Variants in PRR5 observed in about 807,000 individuals in gnomAD.
The protein encoded by PRR5 is proline rich 5.
Under a neutral mutation model 30.6 loss-of-function variants are expected in PRR5, and 25 were observed. The observed-to-expected ratio is 0.82, with a 90% CI of 0.60 to 1.14. The LOEUF (loss-of-function observed/expected upper bound fraction) is 1.14, where lower values mean the gene tolerates loss of function less well. Ranked by LOEUF, PRR5 falls within the 50% of genes most tolerant of loss-of-function variation. PRR5 has a pLI of 0.00. For synonymous variants in PRR5, 286 were observed against 247.1 expected (o/e 1.16, Z -1.48); for missense variants, 600 against 547.1 (o/e 1.10, Z -0.96).
At chr22:44,731,487 C>A in intron 4 of PRR5, 1 of 570,104 alleles carries the variant, frequency 1.8e-6, no homozygotes, top group Admixed American at 3.0e-5. Context: ...ATTTCATGCC[C>A]TCAGCTCTGG....
intron 3 of PRR5, 25 bp downstream of exon 3, chr22:44,725,317 G>T (rs376694994): frequency 6.2e-7 from 1 of 1,611,594 alleles, no homozygotes; most frequent in Non-Finnish European, 8.5e-7. Context: ...CTCCAGCCAG[G>T]CTGGGCCTGC....
Position 44,711,499 on chromosome 22 carries a change from G to A in PRR5, c.135-3092G>A, listed in dbSNP as rs1022297101. Among the ~76,000 whole-genome samples the A allele has an allele frequency of 4.3e-4, 65 of 152,148 alleles. 1 individual carries two copies. The highest frequency in any genetic ancestry group is 1.5e-3 in the South Asian group (7 of 4,822). On this transcript the variant is annotated intron_variant, in intron 1 of 7. Coordinates refer to ENST00000336985, the MANE Select transcript of PRR5 (RefSeq NM_181333.4). Reference sequence around the variant, plus strand: ...GTCCCATGGTGTAGGGTCACCTCTGGCAGGGTGACCAGAGTGGGCTGGAGT... The same window carrying A: ...GTCCCATGGTGTAGGGTCACCTCTGACAGGGTGACCAGAGTGGGCTGGAGT...
chr22:44,734,803 C>G, intron 6 of PRR5: 3 of 625,086 alleles, frequency 4.8e-6, no homozygotes, highest in Non-Finnish European at 8.2e-6. Flanking sequence ...ACCATGGTCT[C>G]CCAGATCCCG....
intron 4 of PRR5, chr22:44,729,505 C>A: frequency 1.0e-6 from 1 of 985,556 alleles, no homozygotes; most frequent in Non-Finnish European, 1.2e-6. Flanking sequence ...CCCGTCCTGC[C>A]GGCAGCAAAC....
chr22:44,693,435 G>A (rs1925457076), intron 1 of PRR5, among the ~76,000 whole-genome samples: 1 of 150,866 alleles, frequency 6.6e-6, no homozygotes, highest in Non-Finnish European at 1.5e-5. Context: ...CTTCAGCCTG[G>A]GTGACAGAGC....
chr22:44,726,295 T>A (rs1305927225), intron 3 of PRR5, among the ~76,000 whole-genome samples: 1 of 152,244 alleles, frequency 6.6e-6, no homozygotes, highest in Non-Finnish European at 1.5e-5. Context: ...GGCTTCTGCC[T>A]GCCCAGCTGA....
At chr22:44,718,655 C>T (rs1056778246) in intron 2 of PRR5, among the ~76,000 whole-genome samples, 6 of 152,170 alleles carry the variant, frequency 3.9e-5, no homozygotes, top group African/African-American at 1.4e-4. Context: ...TCAGTTTGTC[C>T]ACATTCTCAC....
chr22:44,731,325 A>G, intron 4 of PRR5: 1 of 292,594 alleles, frequency 3.4e-6, no homozygotes, highest in Non-Finnish European at 6.7e-6. Flanking sequence ...GCGTACGTGT[A>G]GGGGTCTCAC....
rs534192732 is a variant in PRR5 at position 44,710,673 on chromosome 22, A to G, written c.135-3918A>G. ...AACACCCTTAGCCTACCTTCTCCCA[A>G]GGGTTTGGCTGGGGTGGAGAGGAGC... On this transcript the variant is annotated intron_variant, in intron 1 of 7. Coordinates refer to ENST00000336985, the MANE Select transcript of PRR5 (RefSeq NM_181333.4). 2.0e-5 allele frequency among the ~76,000 whole-genome samples: 3 copies of G among 152,104 alleles called. No homozygotes were observed. In the South Asian group the frequency reaches 6.2e-4, roughly 32 times the overall value.
chr22:44,698,446 C>A (rs532181436), upstream of PRR5, among the ~76,000 whole-genome samples: 6 of 151,734 alleles, frequency 4.0e-5, no homozygotes, highest in Admixed American at 1.3e-4. Context: ...GGATGTGTGA[C>A]TGAGTCCCTT....
chr22:44,732,860 G>A (rs535946800), intron 6 of PRR5, among the ~76,000 whole-genome samples: 20 of 131,418 alleles, frequency 1.5e-4, no homozygotes, highest in East Asian at 4.7e-4. Flanking sequence ...ACGTGCACAC[G>A]CACATACTAC....
intron 4 of PRR5, chr22:44,731,476 C>A (rs755316262): frequency 7.2e-6 from 4 of 559,004 alleles, no homozygotes; most frequent in Non-Finnish European, 9.7e-6. Flanking sequence ...GCCTTAGGCT[C>A]ATTTCATGCC....
upstream of PRR5, among the ~76,000 whole-genome samples, chr22:44,700,530 G>T (rs1040491118): frequency 1.8e-5 from 2 of 109,232 alleles, no homozygotes; most frequent in African/African-American, 8.0e-5. Flanking sequence ...GGAGGCTAAC[G>T]TGGGAGGGTT....
upstream of PRR5, among the ~76,000 whole-genome samples, chr22:44,697,779 G>A (rs5765911): frequency 0.37 from 55,976 of 152,074 alleles, 11,630 homozygotes; most frequent in African/African-American, 0.57. Flanking sequence ...TCGGACATAC[G>A]CCTCGGCCTC....
intron 3 of PRR5, 95 bp from the exon 4 acceptor site, chr22:44,726,482 T>C: frequency 6.3e-7 from 1 of 1,578,502 alleles, no homozygotes; most frequent in Non-Finnish European, 8.6e-7. Context: ...AAGCCTTGGC[T>C]GCTCACTGGT....
At chr22:44,690,460 C>T (rs983972291) in intron 1 of PRR5, among the ~76,000 whole-genome samples, 2 of 151,726 alleles carry the variant, frequency 1.3e-5, no homozygotes, top group Non-Finnish European at 1.5e-5. Context: ...GGGCCAGAGG[C>T]CACCTTGGAG....
At chr22:44,703,868 G>T (rs1299393759) in intron 1 of PRR5, among the ~76,000 whole-genome samples, 1 of 152,116 alleles carries the variant, frequency 6.6e-6, no homozygotes. Context: ...CGGTGACAGA[G>T]CAAGACCCTA....
intron 1 of PRR5, among the ~76,000 whole-genome samples, chr22:44,689,695 C>T (rs369389766): frequency 2.6e-5 from 4 of 152,214 alleles, no homozygotes; most frequent in African/African-American, 9.6e-5. Flanking sequence ...ATCACCCAGG[C>T]TGGAGTGCAG....
At chr22:44,730,096 C>G (rs924694415) in intron 4 of PRR5, 2 of 985,270 alleles carry the variant, frequency 2.0e-6, no homozygotes, top group African/African-American at 3.5e-5. Context: ...CCCCAGCCCC[C>G]AGGGCTGCCC....
Sources: gnomAD v4.1 joint callset for allele counts (sites outside exome capture counted in the v4.1 genomes callset) on GRCh38, gnomAD v4.1.1 for gene constraint, MANE v1.5 for transcripts, NCBI Gene and HGNC (gene_info 2026-07-23, HGNC 2026-07-21) for gene names.